Variants in CDH1 observed in about 807,000 individuals in gnomAD.
The protein encoded by CDH1 is cadherin-1.
A neutral mutation model predicts 84.5 loss-of-function variants in CDH1; 35 were observed. The observed-to-expected ratio is 0.41, with a 90% confidence interval of 0.32 to 0.55. The LOEUF is 0.55. Ranked by LOEUF, CDH1 falls within the 20% of genes least tolerant of loss-of-function variation. The pLI is 0.19. For missense variants in CDH1, 994 were observed against 1,126.6 expected (o/e 0.88, Z 1.68); for synonymous variants, 417 against 439.0 (o/e 0.95, Z 0.63).
intron 2 of CDH1, among the ~76,000 whole-genome samples, chr16:68,777,256 C>T (rs1289304950): frequency 6.6e-6 from 1 of 152,172 alleles, no homozygotes; most frequent in Non-Finnish European, 1.5e-5. Flanking sequence ...TGTGCTTGCT[C>T]GAATTCCAGG....
chr16:68,819,215 A>C lies in CDH1; in HGVS notation c.1566-65A>C. 3.2e-6 allele frequency: 5 copies of C among 1,577,564 alleles called. No individual in the cohort carries two copies. In the Admixed American group the frequency reaches 8.3e-5, roughly 26 times the overall value. ...AACCATATAACTGAAGAAGCGCTTAAGCCGTTTTCAGCTACATGTTGTTTG... is the reference window on the plus strand; with the variant it reads ...AACCATATAACTGAAGAAGCGCTTACGCCGTTTTCAGCTACATGTTGTTTG... On this transcript the variant is annotated intron_variant, in intron 10 of 15. Coordinates refer to ENST00000261769, the MANE Select transcript of CDH1 (RefSeq NM_004360.5).
At position 68,815,598 on chromosome 16, in the gene CDH1, C is replaced by G. The variant is rs1555516122; in HGVS notation, c.1404C>G (p.Thr468=). The G allele has an allele frequency of 6.2e-7, 1 of 1,614,226 alleles. No homozygotes were observed. Among genetic ancestry groups the G allele is most frequent in the Non-Finnish European group, 8.5e-7 (1 of 1,180,046 alleles). Residue 468 remains threonine (T), a synonymous_variant, in exon 10 of 16, where the codon ACC becomes ACG. Coordinates refer to ENST00000261769, the MANE Select transcript of CDH1 (RefSeq NM_004360.5). Reference sequence around the variant, plus strand: ...TACCTTTTGAGGTCTCTCTCACCACCTCCACAGCCACCGTCACCGTGGATG... The same window carrying G: ...TACCTTTTGAGGTCTCTCTCACCACGTCCACAGCCACCGTCACCGTGGATG... ...NVVPFEVSLT[T]STATVTVDVL... is the part of the protein sequence containing the mutation.
intron 2 of CDH1, among the ~76,000 whole-genome samples, chr16:68,786,157 T>C (rs1960039173): frequency 6.6e-6 from 1 of 152,082 alleles, no homozygotes; most frequent in South Asian, 2.1e-4. Context: ...CTTATTATTT[T>C]TGCCTACTTG....
chr16:68,809,973 T>C (rs961764234), intron 5 of CDH1, among the ~76,000 whole-genome samples: 2 of 152,112 alleles, frequency 1.3e-5, no homozygotes, highest in South Asian at 2.1e-4. Flanking sequence ...GTGTGGGAAA[T>C]GGGAGGTCTG....
intron 12 of CDH1, 140 bp from the exon 13 acceptor site, chr16:68,823,255 AGTAC>A: frequency 1.6e-6 from 1 of 630,622 alleles, no homozygotes; most frequent in Non-Finnish European, 2.8e-6. Flanking sequence ...AAAAAAAAAA[AGTAC>A]ATACCTAAAT....
At chr16:68,826,614 G>T (rs1407122125) in intron 13 of CDH1, 1 of 152,108 alleles carries the variant, frequency 6.6e-6, no homozygotes, top group Non-Finnish European at 1.5e-5. Flanking sequence ...AAAATTACTA[G>T]AGAGACACCA....
At chr16:68,821,645 AG>A (rs1482733533) in intron 11 of CDH1, among the ~76,000 whole-genome samples, 1 of 152,210 alleles carries the variant, frequency 6.6e-6, no homozygotes, top group Non-Finnish European at 1.5e-5. Context: ...AGGAAAGTGC[AG>A]AAAAAGGAGA....
chr16:68,810,137 C>T, intron 5 of CDH1, 60 bp from the exon 6 acceptor site: 1 of 1,598,620 alleles, frequency 6.3e-7, no homozygotes, highest in Non-Finnish European at 8.6e-7. Flanking sequence ...CTGGCTGGGC[C>T]CCTTCTCCCA....
rs1567470578 is a variant in CDH1 at position 68,737,342 on chromosome 16, ACTCCAGCCCG to A, written c.-63_-54del. The stretch of plus-strand genomic sequence containing the variant: ...TGTGAGCTTGCGGAAGTCAGTTCAG[ACTCCAGCCCG>A]CTCCAGCCCGGCCCGACCCGACCGC... On this transcript the variant is annotated 5_prime_UTR_variant, in exon 1 of 16. Transcript: ENST00000261769. 23 of 1,302,042 alleles carry A rather than the reference ACTCCAGCCCG, an allele frequency of 1.8e-5. No individual in the cohort carries two copies. The highest frequency in any genetic ancestry group is 2.3e-5 in the Non-Finnish European group (22 of 949,554). 80.7% of individuals were successfully genotyped at this position (1,302,042 alleles called of 1,614,324 possible).
intron 2 of CDH1, among the ~76,000 whole-genome samples, chr16:68,779,278 CCT>C (rs1194622008): frequency 2.0e-5 from 3 of 152,188 alleles, no homozygotes; most frequent in Non-Finnish European, 2.9e-5. Flanking sequence ...GGTGACTTTG[CCT>C]CTCTCTGCCT....
chr16:68,827,555 T>A (rs1009516448), intron 13 of CDH1, among the ~76,000 whole-genome samples: 1 of 152,180 alleles, frequency 6.6e-6, no homozygotes, highest in Non-Finnish European at 1.5e-5. Context: ...CTTGCTTACA[T>A]GATTCTATCT....
intron 2 of CDH1, among the ~76,000 whole-genome samples, chr16:68,794,539 A>C (rs1472326793): frequency 6.6e-6 from 1 of 151,786 alleles, no homozygotes; most frequent in African/African-American, 2.4e-5. Context: ...ATAATTTTAG[A>C]GATGGGGTCT....
At chr16:68,750,150 C>CTTT (rs34551002) in intron 2 of CDH1, among the ~76,000 whole-genome samples, 11 of 79,156 alleles carry the variant, frequency 1.4e-4, no homozygotes, top group Admixed American at 4.6e-4. Flanking sequence ...TAGAATTCAG[C>CTTT]TTTTTTTTTT....
intron 2 of CDH1, among the ~76,000 whole-genome samples, chr16:68,773,227 G>A (rs1959632032): frequency 6.6e-6 from 1 of 151,934 alleles, no homozygotes. Context: ...CATTCACCTA[G>A]TGTTGGTTGG....
chr16:68,753,212 C>CAAAAAAAA (rs55703202), intron 2 of CDH1, among the ~76,000 whole-genome samples: 3 of 70,110 alleles, frequency 4.3e-5, no homozygotes, highest in African/African-American at 5.8e-5. Flanking sequence ...GACTCAGTCT[C>CAAAAAAAA]AAAAAAAAAA....
rs138493551 is a variant in CDH1, at chr16:68,828,214, G to C, written c.2205G>C (p.Ala735=). Residue 735 remains alanine (A), a synonymous_variant, in exon 14 of 16, where the codon GCG becomes GCC. Transcript: ENST00000261769. The stretch of plus-strand genomic sequence containing the variant: ...TCTTGCTGTTTCTTCGGAGGAGAGC[G>C]GTGGTCAAAGAGCCCTTACTGCCCC... The part of the protein sequence containing the change: ...LLLLLFLRRR[A]VVKEPLLPPE... 1.1e-5 allele frequency: 18 copies of C among 1,613,972 alleles called. No homozygotes were observed. The highest frequency in any genetic ancestry group is 1.1e-4 in the African/African-American group (8 of 75,004).
At chr16:68,758,210 T>C (rs1963070696) in intron 2 of CDH1, among the ~76,000 whole-genome samples, 1 of 112,298 alleles carries the variant, frequency 8.9e-6, no homozygotes, top group African/African-American at 3.8e-5. Context: ...TTTATTTCTT[T>C]TTTTTTTTTT....
chr16:68,796,716 G>A (rs1960371515), intron 2 of CDH1, among the ~76,000 whole-genome samples: 1 of 151,966 alleles, frequency 6.6e-6, no homozygotes, highest in Admixed American at 6.6e-5. Context: ...AGGGATGACA[G>A]AGTATTAAAA....
intron 2 of CDH1, among the ~76,000 whole-genome samples, chr16:68,760,269 T>TTTC: frequency 6.9e-6 from 1 of 144,076 alleles, no homozygotes; most frequent in East Asian, 2.0e-4. Flanking sequence ...CCAGCTAATT[T>TTTC]TTTTTTTTTT....
Sources: allele counts gnomAD v4.1 joint callset (sites outside exome capture counted in the v4.1 genomes callset), GRCh38; gene constraint gnomAD v4.1.1; transcripts MANE v1.5; gene names NCBI Gene and HGNC (gene_info 2026-07-23, HGNC 2026-07-21).